The following NCKAP5 variants were observed in gnomAD, a reference collection of about 807,000 sequenced individuals.
NCKAP5 encodes the protein nck-associated protein 5.
A neutral mutation model predicts 167.0 loss-of-function variants in NCKAP5; 92 were observed. The ratio of observed to expected loss-of-function variants is 0.55; its 90% CI spans 0.47 to 0.66. NCKAP5 has a LOEUF of 0.66. NCKAP5 is among the 30% of genes least tolerant of loss of function. The pLI is 0.00. For missense variants in NCKAP5, 2,378 were observed against 2,315.0 expected (o/e 1.03, Z -0.56); for synonymous variants, 891 against 877.4 (o/e 1.02, Z -0.27).
chr2:132,843,249 T>C (rs2105435539), intron 11 of NCKAP5, among the ~76,000 whole-genome samples: 1 of 152,300 alleles, frequency 6.6e-6, no homozygotes, highest in Admixed American at 6.5e-5. Flanking sequence ...TTTACGTTCC[T>C]ATTATTTATC....
In NCKAP5 at chr2:133,555,147, C is replaced by G. The variant is rs968200072; in HGVS notation, c.-62+3903G>C. 2.0e-5 allele frequency among the ~76,000 whole-genome samples: 3 copies of G among 152,248 alleles called. No individual in the cohort carries two copies. The East Asian group carries it at 5.8e-4, about 29-fold the overall frequency. Reference sequence around the variant, plus strand: ...CATTCGGTAGCATGAACTGCTTCACCCTGTGTTCCATTGGGACTCTATAAT... The same window carrying G: ...CATTCGGTAGCATGAACTGCTTCACGCTGTGTTCCATTGGGACTCTATAAT... On this transcript the variant is annotated intron_variant, in intron 2 of 19. Coordinates refer to ENST00000409261, the MANE Select transcript of NCKAP5 (RefSeq NM_207363.3).
At chr2:132,805,209 C>T (rs1230800556) in intron 11 of NCKAP5, among the ~76,000 whole-genome samples, 1 of 152,032 alleles carries the variant, frequency 6.6e-6, no homozygotes, top group Non-Finnish European at 1.5e-5. Flanking sequence ...TCATTACAAC[C>T]TACAGTAAGA....
intron 3 of NCKAP5, among the ~76,000 whole-genome samples, chr2:133,383,493 T>G (rs1686684894): frequency 2.0e-5 from 3 of 152,200 alleles, no homozygotes; most frequent in Admixed American, 2.0e-4. Context: ...GTTCCAAGTC[T>G]TTGCTATTGT....
chr2:133,526,203 G>A (rs1375829988), intron 2 of NCKAP5, among the ~76,000 whole-genome samples: 19 of 134,796 alleles, frequency 1.4e-4, no homozygotes, highest in Non-Finnish European at 2.5e-4. Context: ...AAGGAAGGAA[G>A]GAAGGAAGGA....
At chr2:133,399,280 T>G (rs2151015905) in intron 3 of NCKAP5, among the ~76,000 whole-genome samples, 1 of 152,096 alleles carries the variant, frequency 6.6e-6, no homozygotes, top group Middle Eastern at 3.4e-3. Context: ...GGGGTGGAAT[T>G]TTTTGTGGAA....
chr2:133,658,755 C>A, the NCKAP5 span, among the ~76,000 whole-genome samples: 6 of 152,106 alleles, frequency 3.9e-5, no homozygotes, highest in East Asian at 3.9e-4. Flanking sequence ...TGCTTCTGAG[C>A]CCCTGGGCTT....
chr2:133,064,943 C>A (rs1411633837), intron 6 of NCKAP5, among the ~76,000 whole-genome samples: 2 of 152,186 alleles, frequency 1.3e-5, no homozygotes, highest in Admixed American at 6.5e-5. Context: ...CAGAAGCAGG[C>A]TCCTTAGCAT....
At chr2:133,630,957 A>C in the NCKAP5 span, among the ~76,000 whole-genome samples, 1 of 152,240 alleles carries the variant, frequency 6.6e-6, no homozygotes, top group Non-Finnish European at 1.5e-5. Context: ...TGGACAATGT[A>C]TATGTGAAAG....
At chr2:133,428,116 A>G (rs1323078100) in intron 3 of NCKAP5, among the ~76,000 whole-genome samples, 1 of 152,120 alleles carries the variant, frequency 6.6e-6, no homozygotes, top group African/African-American at 2.4e-5. Context: ...AAGTCACTCT[A>G]CAGTTCATGT....
At chr2:133,042,369 G>C (rs1559080113) in intron 6 of NCKAP5, among the ~76,000 whole-genome samples, 1 of 152,124 alleles carries the variant, frequency 6.6e-6, no homozygotes, top group South Asian at 2.1e-4. Flanking sequence ...TAGCCTGGGT[G>C]GGAGGATGTA....
chr2:133,140,453 A>G (rs2082955296), intron 5 of NCKAP5, among the ~76,000 whole-genome samples: 1 of 152,084 alleles, frequency 6.6e-6, no homozygotes, highest in Admixed American at 6.6e-5. Context: ...TTTTCATTTC[A>G]AACTTTTGGT....
intron 6 of NCKAP5, among the ~76,000 whole-genome samples, chr2:133,083,844 A>G (rs1046327136): frequency 6.6e-6 from 1 of 152,166 alleles, no homozygotes; most frequent in Admixed American, 6.5e-5. Context: ...AGGATATAGC[A>G]CTGATCTTTG....
chr2:132,930,966 C>T (rs1473843582), intron 8 of NCKAP5: 2 of 152,096 alleles, frequency 1.3e-5, no homozygotes, highest in African/African-American at 4.8e-5. Flanking sequence ...TGAAATAACT[C>T]GCCAGTAAGT....
intron 3 of NCKAP5, among the ~76,000 whole-genome samples, chr2:133,331,261 C>T (rs192948585): frequency 2.6e-5 from 4 of 152,206 alleles, no homozygotes; most frequent in Admixed American, 6.5e-5. Flanking sequence ...AAGATAGATT[C>T]GTGGAGAGGG....
intron 12 of NCKAP5, among the ~76,000 whole-genome samples, 171 bp downstream of exon 12, chr2:132,796,457 T>A (rs901115698): frequency 6.6e-6 from 1 of 152,200 alleles, no homozygotes; most frequent in Non-Finnish European, 1.5e-5. Context: ...CTGCTTACTA[T>A]ATCAGCTGGG....
chr2:132,751,960 G>C (rs1559009647), intron 16 of NCKAP5, among the ~76,000 whole-genome samples: 1 of 152,208 alleles, frequency 6.6e-6, no homozygotes. Flanking sequence ...TGAGTTCCCT[G>C]GCAGACCAGT....
At chr2:133,276,680 A>T (rs1201455866) in intron 4 of NCKAP5, among the ~76,000 whole-genome samples, 1 of 152,146 alleles carries the variant, frequency 6.6e-6, no homozygotes, top group Non-Finnish European at 1.5e-5. Flanking sequence ...AAAACTTTCT[A>T]ATTATTTTTA....
intron 4 of NCKAP5, among the ~76,000 whole-genome samples, chr2:133,286,721 A>G (rs918224558): frequency 6.6e-6 from 1 of 152,228 alleles, no homozygotes; most frequent in East Asian, 1.9e-4. Flanking sequence ...TATGTCCAAC[A>G]GGTGGCCATG....
intron 5 of NCKAP5, among the ~76,000 whole-genome samples, chr2:133,210,201 A>G (rs1417840481): frequency 6.7e-6 from 1 of 148,494 alleles, no homozygotes; most frequent in Non-Finnish European, 1.5e-5. Context: ...AATATAACAT[A>G]ATATAATGTA....
Sources: allele counts gnomAD v4.1 joint callset (sites outside exome capture counted in the v4.1 genomes callset), GRCh38; gene constraint gnomAD v4.1.1; transcripts MANE v1.5; gene names NCBI Gene and HGNC (gene_info 2026-07-23, HGNC 2026-07-21).